Variants in LDLRAD4 observed in about 807,000 individuals in gnomAD.
LDLRAD4 encodes low-density lipoprotein receptor class A domain-containing protein 4.
LDLRAD4 carries 5 observed loss-of-function variants against 17.0 expected under a neutral mutation model. The ratio of observed to expected loss-of-function variants is 0.29; its 90% CI spans 0.15 to 0.62. LDLRAD4 has a LOEUF of 0.62. Ranked by LOEUF, LDLRAD4 falls within the 20% of genes least tolerant of loss-of-function variation. The pLI, the probability that LDLRAD4 is intolerant of heterozygous loss-of-function variation, is 0.84. For missense variants in LDLRAD4, 340 were observed against 424.7 expected (o/e 0.80, Z 1.75); for synonymous variants, 168 against 171.8 (o/e 0.98, Z 0.17).
intron 1 of LDLRAD4, among the ~76,000 whole-genome samples, chr18:13,365,106 C>T (rs2083958015): frequency 6.6e-6 from 1 of 152,186 alleles, no homozygotes; most frequent in East Asian, 1.9e-4. Flanking sequence ...GTGAACGTAG[C>T]TAGGAGTCAT....
chr18:13,254,019 A>G (rs564702298), intron 1 of LDLRAD4, among the ~76,000 whole-genome samples: 86 of 152,336 alleles, frequency 5.6e-4, no homozygotes, highest in Middle Eastern at 3.4e-3. Flanking sequence ...CAGGACTCAG[A>G]TGAGTCAATG....
chr18:13,552,894 A>G (rs138241818), intron 3 of LDLRAD4, among the ~76,000 whole-genome samples: 57 of 152,312 alleles, frequency 3.7e-4, no homozygotes, highest in African/African-American at 1.2e-3. Context: ...TTGCTGCCCA[A>G]AAAAGTTCCT....
chr18:13,274,617 A>G (rs970221905), upstream of LDLRAD4, among the ~76,000 whole-genome samples: 3 of 152,262 alleles, frequency 2.0e-5, no homozygotes, highest in Non-Finnish European at 2.9e-5. Context: ...GGAATATATC[A>G]TACAGTCCTG....
intron 3 of LDLRAD4, chr18:13,471,131 C>G (rs574793428): frequency 6.6e-6 from 1 of 152,190 alleles, no homozygotes; most frequent in Admixed American, 6.5e-5. Context: ...ACATCATTAA[C>G]CAGTGATTGT....
At chr18:13,495,490 C>T (rs2093449951) in intron 3 of LDLRAD4, among the ~76,000 whole-genome samples, 1 of 152,208 alleles carries the variant, frequency 6.6e-6, no homozygotes, top group Non-Finnish European at 1.5e-5. Context: ...TGCGGGATCC[C>T]ACTTAGTTAT....
At chr18:13,354,524 T>C (rs1477798765) in intron 1 of LDLRAD4, among the ~76,000 whole-genome samples, 2 of 152,154 alleles carry the variant, frequency 1.3e-5, no homozygotes, top group African/African-American at 4.8e-5. Context: ...ATTTGTGTGA[T>C]GGAAAAATAT....
rs545025842 is a variant in LDLRAD4, at chr18:13,250,130, T to A, written c.-466-27975T>A. The stretch of plus-strand genomic sequence containing the variant: ...TGTCAGAAATCAGTTGGCTTGTGTA[T>A]ATGTGGATTAATGTCTGTTCTCTCT... On this transcript the variant is annotated intron_variant, in intron 1 of 5. Coordinates refer to the LDLRAD4 transcript ENST00000399848. Among the ~76,000 whole-genome samples the A allele has an allele frequency of 9.8e-5, 15 of 152,358 alleles. 1 individual carries two copies. The East Asian group carries it at 1.3e-3, about 14-fold the overall frequency.
chr18:13,223,139 G>A (rs1439472463), intron 1 of LDLRAD4, among the ~76,000 whole-genome samples: 1 of 152,144 alleles, frequency 6.6e-6, no homozygotes, highest in Non-Finnish European at 1.5e-5. Context: ...CTCATACCAG[G>A]GGCCCCTGCC....
chr18:13,425,718 C>T (rs1051922038), intron 2 of LDLRAD4, among the ~76,000 whole-genome samples: 4 of 152,184 alleles, frequency 2.6e-5, no homozygotes, highest in South Asian at 2.1e-4. Context: ...CTGGGGTTGA[C>T]GGCCTGGGGA....
intron 1 of LDLRAD4, among the ~76,000 whole-genome samples, chr18:13,330,100 C>T (rs958069122): frequency 2.0e-5 from 3 of 152,094 alleles, no homozygotes; most frequent in South Asian, 2.1e-4. Flanking sequence ...GGACTACAGG[C>T]GCCTGCCACC....
intron 1 of LDLRAD4, among the ~76,000 whole-genome samples, chr18:13,283,241 C>T (rs55743848): frequency 0.21 from 31,926 of 152,228 alleles, 4,090 homozygotes; most frequent in East Asian, 0.28. Flanking sequence ...TATTTATGCA[C>T]ATTTCTGCAG....
intron 1 of LDLRAD4, among the ~76,000 whole-genome samples, chr18:13,255,535 A>G (rs1197289642): frequency 6.6e-6 from 1 of 152,174 alleles, no homozygotes; most frequent in South Asian, 2.1e-4. Flanking sequence ...ATGTGTGAAC[A>G]TATGTGTGGG....
intron 1 of LDLRAD4, chr18:13,279,938 T>C (rs945832107): frequency 2.4e-4 from 36 of 152,270 alleles, no homozygotes; most frequent in African/African-American, 8.4e-4. Context: ...ATTTTGTCCC[T>C]TAAGCAGCTC....
At chr18:13,399,654 C>G (rs2086995971) in intron 2 of LDLRAD4, among the ~76,000 whole-genome samples, 1 of 152,212 alleles carries the variant, frequency 6.6e-6, no homozygotes, top group African/African-American at 2.4e-5. Flanking sequence ...CATGGGCGTC[C>G]CATTTGCCAG....
At chr18:13,497,351 G>GA (rs1555715028) in intron 3 of LDLRAD4, among the ~76,000 whole-genome samples, 37 of 151,334 alleles carry the variant, frequency 2.4e-4, no homozygotes, top group Admixed American at 1.1e-3. Flanking sequence ...TAATTTGTTT[G>GA]TTTTTTTTGT....
chr18:13,520,856 A>G, intron 3 of LDLRAD4: 1 of 152,250 alleles, frequency 6.6e-6, no homozygotes, highest in Middle Eastern at 3.4e-3. Flanking sequence ...GTCTGAAAAA[A>G]AAAAAGCCCT....
At chr18:13,470,894 G>A (rs58455683) in intron 3 of LDLRAD4, 10,825 of 151,558 alleles carry the variant, frequency 0.071, 962 homozygotes, top group African/African-American at 0.21. Context: ...GCAATGCCTA[G>A]CAGGGGTCTT....
At chr18:13,223,015 A>G (rs2041548432) in intron 1 of LDLRAD4, among the ~76,000 whole-genome samples, 1 of 152,222 alleles carries the variant, frequency 6.6e-6, no homozygotes, top group Non-Finnish European at 1.5e-5. Flanking sequence ...CCTTGGGCAT[A>G]ATGTACTTTC....
chr18:13,625,803 C>T (rs1463471026), intron 4 of LDLRAD4, among the ~76,000 whole-genome samples: 4 of 123,022 alleles, frequency 3.3e-5, no homozygotes, highest in East Asian at 2.5e-4. Context: ...TCCCCTCAGC[C>T]GGCGCCCTCC....
Sources: allele counts gnomAD v4.1 joint callset (sites outside exome capture counted in the v4.1 genomes callset), GRCh38; gene constraint gnomAD v4.1.1; transcripts MANE v1.5; gene names NCBI Gene and HGNC (gene_info 2026-07-23, HGNC 2026-07-21).